The following UBE2E2 variants were observed in gnomAD, a reference collection of about 807,000 sequenced individuals.
UBE2E2 encodes the protein ubiquitin-conjugating enzyme E2 E2.
A neutral mutation model predicts 24.7 loss-of-function variants in UBE2E2; 6 were observed. The observed-to-expected ratio is 0.24, with a 90% CI of 0.13 to 0.48. UBE2E2 has a LOEUF of 0.48. Ranked by LOEUF, UBE2E2 falls within the 20% of genes least tolerant of loss-of-function variation. The probability of loss-of-function intolerance (pLI) is 0.99; values close to 1 mark genes in which losing one functional copy is unlikely to be tolerated. For missense variants in UBE2E2, 169 were observed against 245.0 expected (o/e 0.69, Z 2.07); for synonymous variants, 104 against 83.6 (o/e 1.24, Z -1.33).
chr3:23,457,126 T>C (rs1219320430), intron 3 of UBE2E2, among the ~76,000 whole-genome samples: 1 of 152,136 alleles, frequency 6.6e-6, no homozygotes, highest in Non-Finnish European at 1.5e-5. Flanking sequence ...TATGTTGAGG[T>C]GGAGTAAAGG....
intron 4 of UBE2E2, among the ~76,000 whole-genome samples, chr3:23,517,518 A>G (rs1409903132): frequency 6.6e-6 from 1 of 152,176 alleles, no homozygotes; most frequent in Non-Finnish European, 1.5e-5. Context: ...CCTCCTTTCA[A>G]ATGTAAATAT....
At chr3:23,241,325 T>C (rs924565367) in intron 3 of UBE2E2, among the ~76,000 whole-genome samples, 1 of 152,198 alleles carries the variant, frequency 6.6e-6, no homozygotes, top group Admixed American at 6.5e-5. Flanking sequence ...CCAACAGGTC[T>C]CCCTTCTTCC....
chr3:23,267,610 G>A (rs1298596224), intron 3 of UBE2E2, among the ~76,000 whole-genome samples: 7 of 151,840 alleles, frequency 4.6e-5, no homozygotes, highest in East Asian at 1.9e-4. Flanking sequence ...ATTCACAGCC[G>A]AATTCTACCA....
chr3:23,233,289 T>G (rs1224262389), intron 3 of UBE2E2, among the ~76,000 whole-genome samples: 1 of 152,208 alleles, frequency 6.6e-6, no homozygotes, highest in Non-Finnish European at 1.5e-5. Context: ...ATTTGCATTC[T>G]TATCAAAGCT....
chr3:23,312,574 A>T (rs1404710284), intron 3 of UBE2E2, among the ~76,000 whole-genome samples: 1 of 150,988 alleles, frequency 6.6e-6, no homozygotes, highest in Non-Finnish European at 1.5e-5. Context: ...TCTCTCCCTG[A>T]GTTCAGTTGT....
chr3:23,340,935 A>G (rs1575571834), intron 3 of UBE2E2, among the ~76,000 whole-genome samples: 1 of 152,186 alleles, frequency 6.6e-6, no homozygotes, highest in African/African-American at 2.4e-5. Flanking sequence ...TCCCCCCACC[A>G]GGAATGAGGC....
At chr3:23,514,192 G>C (rs567765282) in intron 4 of UBE2E2, among the ~76,000 whole-genome samples, 1 of 152,150 alleles carries the variant, frequency 6.6e-6, no homozygotes, top group Non-Finnish European at 1.5e-5. Context: ...CCTTCTCATT[G>C]TTCAGGACTG....
chr3:23,336,419 G>A (rs1308525333), intron 3 of UBE2E2, among the ~76,000 whole-genome samples: 2 of 152,180 alleles, frequency 1.3e-5, no homozygotes, highest in Non-Finnish European at 2.9e-5. Flanking sequence ...TAGTGGCAAA[G>A]TACATTTAAA....
intron 3 of UBE2E2, among the ~76,000 whole-genome samples, chr3:23,479,803 A>G (rs1699217757): frequency 6.6e-6 from 1 of 152,144 alleles, no homozygotes. Flanking sequence ...CCTTTCTGCA[A>G]GCAGGTCATC....
chr3:23,520,147 G>A (rs1694831217), intron 4 of UBE2E2, among the ~76,000 whole-genome samples: 2 of 150,884 alleles, frequency 1.3e-5, no homozygotes, highest in Admixed American at 6.6e-5. Context: ...CTTTGAGGGT[G>A]TGGGGTTTTC....
intron 3 of UBE2E2, among the ~76,000 whole-genome samples, chr3:23,307,206 T>G (rs1469276678): frequency 6.6e-6 from 1 of 152,148 alleles, no homozygotes; most frequent in Admixed American, 6.6e-5. Flanking sequence ...TATATACTGT[T>G]GCAGTTTCAT....
chr3:23,586,230 A>G (rs1322966833), intron 5 of UBE2E2, among the ~76,000 whole-genome samples: 2 of 152,214 alleles, frequency 1.3e-5, no homozygotes, highest in Admixed American at 6.5e-5. Flanking sequence ...ATGTAAATTG[A>G]TATGAGAAGA....
rs1443410396 is a variant in UBE2E2, at chr3:23,270,354, A to G, written c.227+53042A>G. Among the ~76,000 whole-genome samples the G allele has an allele frequency of 3.9e-5, 6 of 152,132 alleles. No individual in the cohort carries two copies. In the South Asian group the frequency reaches 6.2e-4, roughly 16 times the overall value. The stretch of plus-strand genomic sequence containing the variant: ...GCTGCGATGGTGTATTTTGTGCACA[A>G]AGGGCTTGGCTGATCTTGTCTTTTG... On this transcript the variant is annotated intron_variant, in intron 3 of 5. Transcript: ENST00000396703.
intron 3 of UBE2E2, among the ~76,000 whole-genome samples, chr3:23,285,489 C>G (rs1033769181): frequency 3.3e-5 from 5 of 152,178 alleles, no homozygotes; most frequent in Admixed American, 3.3e-4. Context: ...TATGTTCCCA[C>G]CAACAGTGTA....
At chr3:23,364,238 A>G (rs1696199792) in intron 3 of UBE2E2, among the ~76,000 whole-genome samples, 1 of 152,188 alleles carries the variant, frequency 6.6e-6, no homozygotes, top group East Asian at 1.9e-4. Flanking sequence ...GAGCAAACCA[A>G]CCCCAGAGCT....
intron 1 of UBE2E2, among the ~76,000 whole-genome samples, chr3:23,208,104 A>T (rs1696201007): frequency 6.6e-6 from 1 of 151,468 alleles, no homozygotes; most frequent in Admixed American, 6.6e-5. Context: ...TATCAATCAT[A>T]TTTTTATTTT....
intron 3 of UBE2E2, among the ~76,000 whole-genome samples, chr3:23,245,506 T>C (rs1431530058): frequency 6.6e-6 from 1 of 152,162 alleles, no homozygotes; most frequent in Non-Finnish European, 1.5e-5. Context: ...ATATAATTCT[T>C]TCAAATTGAC....
chr3:23,281,855 T>A (rs1020175050), intron 3 of UBE2E2, among the ~76,000 whole-genome samples: 4 of 152,256 alleles, frequency 2.6e-5, no homozygotes, highest in Non-Finnish European at 5.9e-5. Flanking sequence ...AGAGGATGTA[T>A]GCCAGATTTT....
chr3:23,357,759 C>A (rs1218873844), intron 3 of UBE2E2, among the ~76,000 whole-genome samples: 1 of 152,124 alleles, frequency 6.6e-6, no homozygotes, highest in East Asian at 1.9e-4. Flanking sequence ...TATCTGACTC[C>A]TTATTATTTA....
Sources: allele counts gnomAD v4.1 joint callset (sites outside exome capture counted in the v4.1 genomes callset), GRCh38; gene constraint gnomAD v4.1.1; transcripts MANE v1.5; gene names NCBI Gene and HGNC (gene_info 2026-07-23, HGNC 2026-07-21).